Variants in ZFPM2 observed in about 807,000 individuals in gnomAD.
The protein encoded by ZFPM2 is zinc finger protein ZFPM2.
A neutral mutation model predicts 98.6 loss-of-function variants in ZFPM2; 20 were observed. The ratio of observed to expected loss-of-function variants is 0.20; its 90% CI spans 0.14 to 0.29. ZFPM2 has a LOEUF of 0.29. Among genes scored for constraint, ZFPM2 ranks in the 10% least tolerant of loss-of-function variants. The pLI is 1.00. For synonymous variants in ZFPM2, 518 were observed against 502.7 expected (o/e 1.03, Z -0.41); for missense variants, 1,310 against 1,388.6 (o/e 0.94, Z 0.90).
intron 5 of ZFPM2, among the ~76,000 whole-genome samples, chr8:105,752,454 C>CTGA (rs990197946): frequency 1.3e-5 from 2 of 152,060 alleles, no homozygotes; most frequent in Admixed American, 1.3e-4. Flanking sequence ...GCCCTGCTGC[C>CTGA]AGATCAATAG....
At chr8:105,665,878 C>T (rs1251302977) in intron 5 of ZFPM2, among the ~76,000 whole-genome samples, 1 of 152,104 alleles carries the variant, frequency 6.6e-6, no homozygotes, top group Non-Finnish European at 1.5e-5. Context: ...ATGGTTGGCA[C>T]ATGATAAATG....
intron 5 of ZFPM2, among the ~76,000 whole-genome samples, chr8:105,698,954 A>G (rs890774879): frequency 7.9e-5 from 12 of 152,166 alleles, no homozygotes; most frequent in Non-Finnish European, 1.8e-4. Flanking sequence ...GGGCCTGGAA[A>G]AGGTTGGCAA....
At chr8:105,742,898 G>C (rs1179249863) in intron 5 of ZFPM2, among the ~76,000 whole-genome samples, 1 of 152,000 alleles carries the variant, frequency 6.6e-6, no homozygotes, top group Admixed American at 6.6e-5. Context: ...ACAAACAAAC[G>C]ATCATCCATA....
chr8:105,408,208 T>C (rs1365260171), intron 1 of ZFPM2, among the ~76,000 whole-genome samples: 2 of 151,988 alleles, frequency 1.3e-5, no homozygotes, highest in Admixed American at 1.3e-4. Context: ...GAGTAAGTGT[T>C]CTTCTTAAAA....
At chr8:105,580,644 A>T (rs1317900227) in intron 4 of ZFPM2, among the ~76,000 whole-genome samples, 1 of 152,070 alleles carries the variant, frequency 6.6e-6, no homozygotes, top group African/African-American at 2.4e-5. Context: ...CTAATTTTTC[A>T]TTCTCAGTGA....
chr8:105,446,133 G>C (rs1812365130), intron 3 of ZFPM2, among the ~76,000 whole-genome samples: 1 of 152,044 alleles, frequency 6.6e-6, no homozygotes, highest in Non-Finnish European at 1.5e-5. Flanking sequence ...TATTAGTCAG[G>C]ATGGTCTCGA....
chr8:105,332,614 T>C (rs953540487), intron 1 of ZFPM2, among the ~76,000 whole-genome samples: 2 of 151,636 alleles, frequency 1.3e-5, no homozygotes, highest in Non-Finnish European at 3.0e-5. Context: ...CAGACCATGG[T>C]CTCTCCCTTC....
At chr8:105,722,386 G>C (rs1297540960) in intron 5 of ZFPM2, among the ~76,000 whole-genome samples, 1 of 151,526 alleles carries the variant, frequency 6.6e-6, no homozygotes, top group Non-Finnish European at 1.5e-5. Flanking sequence ...GACTATAATT[G>C]ACCTTTGAAC....
At chr8:105,794,366 A>G (rs1048733044) in intron 6 of ZFPM2, among the ~76,000 whole-genome samples, 4 of 152,162 alleles carry the variant, frequency 2.6e-5, no homozygotes, top group African/African-American at 9.7e-5. Flanking sequence ...TTGCCTAGGT[A>G]GCAGCAGCGG....
intron 5 of ZFPM2, among the ~76,000 whole-genome samples, chr8:105,673,169 A>G (rs1233998899): frequency 1.1e-5 from 1 of 94,204 alleles, no homozygotes; most frequent in Non-Finnish European, 2.2e-5. Context: ...TTCTACTTCT[A>G]TTTTTTCAAA....
At chr8:105,321,482 T>C (rs1812024097) in intron 1 of ZFPM2, among the ~76,000 whole-genome samples, 1 of 152,190 alleles carries the variant, frequency 6.6e-6, no homozygotes, top group Admixed American at 6.5e-5. Context: ...AAAATAAAGC[T>C]TTGGCACTGC....
chr8:105,435,573 G>A (rs1354293730), intron 2 of ZFPM2, among the ~76,000 whole-genome samples: 1 of 151,792 alleles, frequency 6.6e-6, no homozygotes, highest in Middle Eastern at 3.2e-3. Flanking sequence ...TAACAAACTT[G>A]TCGTTATTAT....
rs1554604944 is a variant in ZFPM2, at chr8:105,441,455, A to AGAGAGAAAGGAAGGAAGG, written c.200-2825_200-2824insGAGAGAAAGGAAGGAAGG. ...AAGAAAGAGAGAGAGAGAGAGAGAG[A>AGAGAGAAAGGAAGGAAGG]AAGAAAGAAAGAAAGAAAGAAAGAA... On this transcript the variant is annotated intron_variant, in intron 2 of 7. Transcript: ENST00000407775. Among the ~76,000 whole-genome samples, 8 of 56,528 alleles carry AGAGAGAAAGGAAGGAAGG rather than the reference A, an allele frequency of 1.4e-4. 2 individuals carry two copies. The highest frequency in any genetic ancestry group is 5.0e-4 in the African/African-American group (5 of 10,066). The allele number at this position is 56,528 out of a possible 152,430, so 37.1% of individuals were successfully genotyped here.
At chr8:105,761,059 T>A (rs1169106419) in intron 5 of ZFPM2, among the ~76,000 whole-genome samples, 1 of 151,982 alleles carries the variant, frequency 6.6e-6, no homozygotes, top group East Asian at 1.9e-4. Flanking sequence ...AGGTATATCA[T>A]CTTGACAACT....
At chr8:105,417,591 GATTGTAAT>G (rs1292940566) in intron 1 of ZFPM2, among the ~76,000 whole-genome samples, 10 of 152,012 alleles carry the variant, frequency 6.6e-5, no homozygotes, top group Admixed American at 5.3e-4. Flanking sequence ...ATGGTTTAAG[GATTGTAAT>G]ATTTTACATT....
intron 5 of ZFPM2, among the ~76,000 whole-genome samples, chr8:105,641,333 A>G (rs945558757): frequency 2.6e-5 from 4 of 152,062 alleles, no homozygotes; most frequent in African/African-American, 4.8e-5. Context: ...GCACCACAGG[A>G]TAACGCGATG....
At chr8:105,664,100 G>GA (rs1415277057) in intron 5 of ZFPM2, among the ~76,000 whole-genome samples, 1 of 152,154 alleles carries the variant, frequency 6.6e-6, no homozygotes, top group Non-Finnish European at 1.5e-5. Flanking sequence ...TTATGATTGA[G>GA]AAAATCAACA....
rs1379309645 is a variant in ZFPM2 at position 105,788,842 on chromosome 8, C to T, written c.657C>T (p.Tyr219=). The change falls in exon 6 of 8, where the codon TAC becomes TAT. Residue 219 remains tyrosine, a synonymous_variant. Coordinates refer to ENST00000407775, the MANE Select transcript of ZFPM2 (RefSeq NM_012082.4). ...ASQMTLTEGM[Y]PARLLDSIQL... ...AGATGACTCTCACAGAAGGGATGTA[C>T]CCTGCACGCCTGCTGGACTCAATTC... is the stretch of plus-strand genomic sequence containing the variant. The T allele has an allele frequency of 1.2e-6, 2 of 1,613,876 alleles. No homozygotes were observed. Among genetic ancestry groups the T allele is most frequent in the Non-Finnish European group, 1.7e-6 (2 of 1,179,854 alleles).
At chr8:105,344,115 AC>A (rs1319811229) in intron 1 of ZFPM2, among the ~76,000 whole-genome samples, 1 of 152,126 alleles carries the variant, frequency 6.6e-6, no homozygotes, top group East Asian at 1.9e-4. Flanking sequence ...CGAGAACAGT[AC>A]AGGAAAGACC....
Sources: gnomAD v4.1 joint callset for allele counts (sites outside exome capture counted in the v4.1 genomes callset) on GRCh38, gnomAD v4.1.1 for gene constraint, MANE v1.5 for transcripts, NCBI Gene and HGNC (gene_info 2026-07-23, HGNC 2026-07-21) for gene names.